The following SATB1 variants were observed in gnomAD, a reference collection of about 807,000 sequenced individuals.
The protein encoded by SATB1 is SATB homeobox 1, also known as DNA-binding protein SATB1.
A neutral mutation model predicts 86.9 loss-of-function variants in SATB1; 11 were observed. The observed-to-expected ratio is 0.13, with a 90% CI of 0.08 to 0.21. The LOEUF is 0.21. Ranked by LOEUF, SATB1 falls within the 10% of genes least tolerant of loss-of-function variation. SATB1 has a pLI of 1.00. For synonymous variants in SATB1, 357 were observed against 357.2 expected (o/e 1.00, Z 0.01); for missense variants, 551 against 937.6 (o/e 0.59, Z 5.39).
At position 18,349,753 on chromosome 3, in the gene SATB1, G is replaced by T; in HGVS notation, c.1780-71C>A. 1 of 1,509,610 alleles carries T rather than the reference G, an allele frequency of 6.6e-7. No homozygotes were observed. Among genetic ancestry groups the T allele is most frequent in the East Asian group, 2.5e-5 (1 of 40,626 alleles). 93.5% of individuals were successfully genotyped at this position (1,509,610 alleles called of 1,614,324 possible). On this transcript the variant is annotated intron_variant, in intron 10 of 10. Coordinates refer to ENST00000338745, the MANE Select transcript of SATB1 (RefSeq NM_002971.6). The surrounding 1 kb of genome is among the most constrained non-coding windows in gnomAD (Gnocchi z 5.5). ...TCCACACAAAGCCGTCTCCAATCAGGAAAAATGTGGTCCCGGATCCTACAT... is the reference window on the plus strand; with the variant it reads ...TCCACACAAAGCCGTCTCCAATCAGTAAAAATGTGGTCCCGGATCCTACAT...
intron 9 of SATB1, among the ~76,000 whole-genome samples, chr3:18,372,512 T>C (rs1695525048): frequency 6.6e-6 from 1 of 152,206 alleles, no homozygotes; most frequent in Non-Finnish European, 1.5e-5. Flanking sequence ...GTCTAGGGGA[T>C]AAATCACCTC....
At chr3:18,398,648 A>C (rs1697087011) in intron 5 of SATB1, among the ~76,000 whole-genome samples, 1 of 152,192 alleles carries the variant, frequency 6.6e-6, no homozygotes, top group African/African-American at 2.4e-5. Context: ...ATCTCTAAAG[A>C]ACTTCCAGTG....
intron 1 of SATB1, chr3:18,421,281 GAATT>G (rs1471679732): frequency 8.9e-6 from 2 of 224,810 alleles, no homozygotes; most frequent in African/African-American, 4.6e-5. Flanking sequence ...TTTAGAACAA[GAATT>G]ATTACAAGTA....
At chr3:18,422,955 A>T (rs1698467917) in intron 1 of SATB1, among the ~76,000 whole-genome samples, 1 of 152,240 alleles carries the variant, frequency 6.6e-6, no homozygotes, top group East Asian at 1.9e-4. Flanking sequence ...TCCTTTGAAT[A>T]CCCACCTATA....
At chr3:18,445,117 G>A (rs1410737523) in intron 1 of SATB1, 4 of 698,194 alleles carry the variant, frequency 5.7e-6, no homozygotes, top group Non-Finnish European at 5.3e-6. Flanking sequence ...GGGGCTCGGC[G>A]GACCCCGCGT....
At chr3:18,405,407 T>C (rs1393284249) in intron 5 of SATB1, among the ~76,000 whole-genome samples, 5 of 151,784 alleles carry the variant, frequency 3.3e-5, no homozygotes, top group African/African-American at 1.2e-4. Context: ...TAGAGCCTTT[T>C]AAAAAAACAA....
chr3:18,393,678 A>G (rs745921602), intron 7 of SATB1, among the ~76,000 whole-genome samples: 17 of 152,190 alleles, frequency 1.1e-4, no homozygotes, highest in Non-Finnish European at 1.6e-4. Context: ...CACTTACTCC[A>G]TGGCCTGTTT....
Position 18,349,650 on chromosome 3 carries a change from CTGCTGCTGCTGTTGCTGT to C in SATB1, c.1794_1811del (p.Gln602_Gln607del). 22 of 1,611,088 alleles carry C rather than the reference CTGCTGCTGCTGTTGCTGT, an allele frequency of 1.4e-5. No homozygotes were observed. Among genetic ancestry groups the C allele is most frequent in the African/African-American group, 1.3e-4 (10 of 74,986 alleles). On this transcript the variant is annotated inframe_deletion, in exon 11 of 11. Transcript: ENST00000338745. This position sits in a 1 kb window ranked among gnomAD's most constrained non-coding sequence, Gnocchi z 5.5. ...GTGGAGGCGGCGGTGCCTGCTGCTGCTGCTGCTGCTGTTGCTGTTGCTGCTGCTGTTGCTGCAAAGAAA... is the reference window on the plus strand; with the variant it reads ...GTGGAGGCGGCGGTGCCTGCTGCTGCTGCTGCTGCTGTTGCTGCAAAGAAA...
rs371402760 is a variant in SATB1, at chr3:18,393,989, AAACAAC to A, written c.1206+467_1206+472del. On this transcript the variant is annotated intron_variant, in intron 7 of 10. Transcript: ENST00000338745. ...TTGCTTCCAAGGTGTTAACAACAAC[AAACAAC>A]AACAACAACAACAACGCTGCAGTAG... is the stretch of plus-strand genomic sequence containing the variant. Among the ~76,000 whole-genome samples, 250 of 88,232 alleles carry A rather than the reference AAACAAC, an allele frequency of 2.8e-3. 4 individuals carry two copies. The South Asian group carries it at 0.054, about 19-fold the overall frequency. 57.9% of individuals were successfully genotyped at this position (88,232 alleles called of 152,430 possible).
At chr3:18,399,837 A>C (rs9713288) in intron 5 of SATB1, among the ~76,000 whole-genome samples, 46,326 of 152,024 alleles carry the variant, frequency 0.3, 8,678 homozygotes, top group Admixed American at 0.45. Context: ...ACTTGGAGTC[A>C]TGTCTATTTT....
chr3:18,427,365 T>G (rs1317313556), upstream of SATB1, among the ~76,000 whole-genome samples: 1 of 152,096 alleles, frequency 6.6e-6, no homozygotes, highest in Admixed American at 6.5e-5. Flanking sequence ...TAGCAACATT[T>G]AAAAATAAAG....
At chr3:18,367,357 G>C (rs1469787147) in intron 9 of SATB1, among the ~76,000 whole-genome samples, 1 of 152,118 alleles carries the variant, frequency 6.6e-6, no homozygotes, top group Non-Finnish European at 1.5e-5. Context: ...GAAGACAGTG[G>C]GTCCAGAAGA....
chr3:18,414,276 CA>C (rs1022426253), intron 5 of SATB1, among the ~76,000 whole-genome samples: 1 of 151,954 alleles, frequency 6.6e-6, no homozygotes, highest in African/African-American at 2.4e-5. Flanking sequence ...ACCACAAAAG[CA>C]GCCCTTTAAG....
At chr3:18,387,617 G>C (rs895699916) in intron 7 of SATB1, among the ~76,000 whole-genome samples, 2 of 152,144 alleles carry the variant, frequency 1.3e-5, no homozygotes, top group Non-Finnish European at 2.9e-5. Flanking sequence ...TTTTATAAGG[G>C]CTAAGCAGCT....
rs573929803 is a variant in SATB1 at position 18,348,399 on chromosome 3, T to C, written c.*771A>G. ...TTTACTGCCCATCAAAATACATTTA[T>C]AAATAGAAAAGAATCAGTATGGTAA... On this transcript the variant is annotated 3_prime_UTR_variant, in exon 11 of 11. Transcript: ENST00000338745. The C allele has an allele frequency of 5.2e-5, 8 of 152,650 alleles. No individual in the cohort carries two copies. The highest frequency in any genetic ancestry group is 3.9e-4 in the Admixed American group (6 of 15,312). 9.5% of individuals were successfully genotyped at this position (152,650 alleles called of 1,614,324 possible).
intron 5 of SATB1, among the ~76,000 whole-genome samples, chr3:18,400,792 T>C (rs534243828): frequency 3.3e-4 from 51 of 152,340 alleles, no homozygotes; most frequent in Non-Finnish European, 5.7e-4. Flanking sequence ...GATAAAATTT[T>C]CAAATGATAT....
At position 18,400,751 on chromosome 3, in the gene SATB1, T is replaced by C. The variant is rs1017167339; in HGVS notation, c.640-3461A>G. 3.9e-5 allele frequency among the ~76,000 whole-genome samples: 6 copies of C among 152,214 alleles called. No homozygotes were observed. In the East Asian group the frequency reaches 1.2e-3, roughly 29 times the overall value. On this transcript the variant is annotated intron_variant, in intron 5 of 10. Transcript: ENST00000338745. ...CTGGGCTTTCATTATATGATCACAT[T>C]TCATATCAGGTGACTATGTTTTGAG...
In SATB1 at chr3:18,382,259, T is replaced by C. The variant is rs371113700; in HGVS notation, c.1420-3934A>G. Among the ~76,000 whole-genome samples, 232 of 152,176 alleles carry C rather than the reference T, an allele frequency of 1.5e-3. 1 individual carries two copies. Among genetic ancestry groups the C allele is most frequent in the African/African-American group, 5.5e-3 (228 of 41,528 alleles). ...TTCTTTAGGTAATTACATAAAGAGA[T>C]GTAAAAAATGAAGAATTACATAAAG... On this transcript the variant is annotated intron_variant, in intron 8 of 10. Transcript: ENST00000338745.
At chr3:18,367,633 ATTAAT>A (rs1031353555) in intron 9 of SATB1, among the ~76,000 whole-genome samples, 1 of 152,204 alleles carries the variant, frequency 6.6e-6, no homozygotes, top group Admixed American at 6.5e-5. Context: ...TAGTCTAACG[ATTAAT>A]TTAATGAAAA....
Sources: allele counts gnomAD v4.1 joint callset (sites outside exome capture counted in the v4.1 genomes callset), GRCh38; gene constraint gnomAD v4.1.1; non-coding constraint Gnocchi (gnomAD v3.1); transcripts MANE v1.5; gene names NCBI Gene and HGNC (gene_info 2026-07-23, HGNC 2026-07-21).